KYNU: variants seen among roughly 807,000 people sequenced by gnomAD.
The protein encoded by KYNU is kynureninase, also known as L-kynurenine hydrolase.
A neutral mutation model predicts 59.2 loss-of-function variants in KYNU; 54 were observed. The observed-to-expected ratio is 0.91, with a 90% CI of 0.73 to 1.14. The LOEUF (loss-of-function observed/expected upper bound fraction) is 1.14. Among genes scored for constraint, KYNU ranks in the 50% most tolerant of loss-of-function variants. The pLI, the probability that KYNU is intolerant of heterozygous loss-of-function variation, is 0.00. For missense variants in KYNU, 567 were observed against 554.4 expected, an observed-to-expected ratio of 1.02 and a Z score of -0.23; for synonymous variants, 177 against 192.0, an observed-to-expected ratio of 0.92 and a Z score of 0.65.
At chr2:142,947,295 C>T (rs1470539130) in intron 4 of KYNU, 1 of 1,411,718 alleles carries the variant, frequency 7.1e-7, no homozygotes, top group Non-Finnish European at 9.6e-7. Context: ...AAACTCACCA[C>T]TACACACCTG....
chr2:142,999,497 A>C (rs1685648525), intron 10 of KYNU, among the ~76,000 whole-genome samples: 1 of 152,178 alleles, frequency 6.6e-6, no homozygotes, highest in African/African-American at 2.4e-5. Context: ...GATTATTTTT[A>C]TAAGACCTTA....
Position 143,053,792 on chromosome 2 carries a change from A to C in KYNU, c.*11620A>C, listed in dbSNP as rs1687308072. ...GCCCAATCTTGGGAATGTCTTTATCAGCAGTGGGAAAACGGATTAATATAC... is the reference window on the plus strand; with the variant it reads ...GCCCAATCTTGGGAATGTCTTTATCCGCAGTGGGAAAACGGATTAATATAC... On this transcript the variant is annotated 3_prime_UTR_variant, in exon 14 of 14. Transcript: ENST00000264170. 1 of 152,506 alleles carries C rather than the reference A, an allele frequency of 6.6e-6. No homozygotes were observed. Among genetic ancestry groups the C allele is most frequent in the Non-Finnish European group, 1.5e-5 (1 of 68,184 alleles). The allele number at this position is 152,506 out of a possible 1,614,324, so 9.4% of individuals were successfully genotyped here.
intron 10 of KYNU, among the ~76,000 whole-genome samples, chr2:143,022,447 AT>A (rs1473742877): frequency 6.6e-6 from 1 of 151,986 alleles, no homozygotes; most frequent in Non-Finnish European, 1.5e-5. Flanking sequence ...TTGTATTAAT[AT>A]TTTTAAGACT....
At chr2:142,916,446 G>T (rs768026587) in intron 2 of KYNU, among the ~76,000 whole-genome samples, 2 of 152,106 alleles carry the variant, frequency 1.3e-5, no homozygotes, top group Non-Finnish European at 2.9e-5. Context: ...AGACTGTATG[G>T]CTTGGAAAGC....
chr2:143,032,006 G>A (rs1217209099), intron 11 of KYNU, among the ~76,000 whole-genome samples: 3 of 152,082 alleles, frequency 2.0e-5, no homozygotes, highest in Non-Finnish European at 2.9e-5. Context: ...GGCCGGGCGT[G>A]GTGGCTCACG....
At chr2:142,992,112 A>C (rs911190357) in intron 10 of KYNU, among the ~76,000 whole-genome samples, 2 of 151,934 alleles carry the variant, frequency 1.3e-5, no homozygotes, top group Non-Finnish European at 2.9e-5. Flanking sequence ...AGATTTTTCA[A>C]GGGAGATTCA....
chr2:143,027,592 T>G (rs751977639), intron 10 of KYNU, among the ~76,000 whole-genome samples: 2 of 152,194 alleles, frequency 1.3e-5, no homozygotes, highest in Non-Finnish European at 2.9e-5. Flanking sequence ...TAGTGAAAAC[T>G]CTTTCATATG....
At chr2:143,014,555 A>T (rs1207476401) in intron 10 of KYNU, among the ~76,000 whole-genome samples, 1 of 152,204 alleles carries the variant, frequency 6.6e-6, no homozygotes, top group Admixed American at 6.5e-5. Context: ...TCTCTGCTAT[A>T]AGTTTCAGAA....
intron 2 of KYNU, among the ~76,000 whole-genome samples, chr2:142,913,733 G>A (rs940281718): frequency 2.0e-5 from 3 of 152,174 alleles, no homozygotes; most frequent in African/African-American, 7.2e-5. Flanking sequence ...TTGAATTGAA[G>A]TCTAAAATGT....
At chr2:143,000,412 ATTTTC>A (rs1685677776) in intron 10 of KYNU, among the ~76,000 whole-genome samples, 1 of 152,096 alleles carries the variant, frequency 6.6e-6, no homozygotes, top group South Asian at 2.1e-4. Flanking sequence ...AAGAGCAACT[ATTTTC>A]TTTATTCTAT....
At chr2:142,974,373 G>T (rs2105132817) in intron 8 of KYNU, among the ~76,000 whole-genome samples, 1 of 152,308 alleles carries the variant, frequency 6.6e-6, no homozygotes, top group East Asian at 1.9e-4. Flanking sequence ...AAAATAAGGT[G>T]AACGTAGAGT....
At chr2:142,947,052 C>A in intron 4 of KYNU, 1 of 1,550,320 alleles carries the variant, frequency 6.5e-7, no homozygotes, top group Non-Finnish European at 8.7e-7. Flanking sequence ...CTCACCCTTC[C>A]CCAAGCAACT....
chr2:143,038,464 A>G (rs1242440376), intron 12 of KYNU, among the ~76,000 whole-genome samples: 1 of 152,064 alleles, frequency 6.6e-6, no homozygotes, highest in Non-Finnish European at 1.5e-5. Flanking sequence ...TGCCCAAGAA[A>G]ATGAAGGAGA....
intron 12 of KYNU, among the ~76,000 whole-genome samples, chr2:143,035,195 A>AT (rs1686860789): frequency 6.6e-6 from 1 of 152,326 alleles, no homozygotes; most frequent in African/African-American, 2.4e-5. Context: ...CACCAGGCTA[A>AT]TTTTTGTAGT....
At chr2:142,981,914 T>C (rs555779162) in intron 8 of KYNU, among the ~76,000 whole-genome samples, 1 of 152,214 alleles carries the variant, frequency 6.6e-6, no homozygotes, top group African/African-American at 2.4e-5. Context: ...TTGCAACAAC[T>C]CATTTCTGCT....
At chr2:142,988,062 A>C (rs974582939) in intron 10 of KYNU, among the ~76,000 whole-genome samples, 1 of 151,838 alleles carries the variant, frequency 6.6e-6, no homozygotes, top group Non-Finnish European at 1.5e-5. Flanking sequence ...TTCTTTATAA[A>C]TTACCCAGTC....
chr2:142,927,112 A>G (rs1207979936), intron 3 of KYNU, among the ~76,000 whole-genome samples: 1 of 152,244 alleles, frequency 6.6e-6, no homozygotes, highest in Non-Finnish European at 1.5e-5. Flanking sequence ...AATGTGACAG[A>G]TGAAATTGCT....
At chr2:142,934,777 TAGG>T (rs1683330616) in intron 4 of KYNU, among the ~76,000 whole-genome samples, 2 of 152,204 alleles carry the variant, frequency 1.3e-5, no homozygotes, top group African/African-American at 2.4e-5. Context: ...GAGATCCTAA[TAGG>T]AGGTTTTGGC....
chr2:142,910,964 T>A (rs538616010), intron 2 of KYNU, among the ~76,000 whole-genome samples: 1 of 152,128 alleles, frequency 6.6e-6, no homozygotes, highest in Non-Finnish European at 1.5e-5. Context: ...GGTGTTTTGG[T>A]TATTGTAGCC....
Sources: allele counts gnomAD v4.1 joint callset (sites outside exome capture counted in the v4.1 genomes callset), GRCh38; gene constraint gnomAD v4.1.1; transcripts MANE v1.5; gene names NCBI Gene and HGNC (gene_info 2026-07-23, HGNC 2026-07-21).